The following SNX1 variants were observed in gnomAD, a reference collection of about 807,000 sequenced individuals.
SNX1 encodes sorting nexin-1.
Under a neutral mutation model 71.8 loss-of-function variants are expected in SNX1, and 36 were observed. The ratio of observed to expected loss-of-function variants is 0.50; its 90% CI spans 0.38 to 0.66. SNX1 has a LOEUF of 0.66. Ranked by LOEUF, SNX1 falls within the 30% of genes least tolerant of loss-of-function variation. The pLI, the probability that SNX1 is intolerant of heterozygous loss-of-function variation, is 0.00. For synonymous variants in SNX1, 254 were observed against 240.7 expected (o/e 1.06, Z -0.51); for missense variants, 612 against 646.7 (o/e 0.95, Z 0.58).
At chr15:64,125,624 A>G (rs2081242932) in intron 5 of SNX1, among the ~76,000 whole-genome samples, 1 of 152,164 alleles carries the variant, frequency 6.6e-6, no homozygotes, top group African/African-American at 2.4e-5. Context: ...CAGCCTGGGC[A>G]ACAAAGTGAG....
Position 64,112,554 on chromosome 15 carries a change from A to C in SNX1, c.160-19A>C. Reference sequence around the variant, plus strand: ...TTTTTCATGGTAATGTTTTATTCAGAGTATCTCTTTGTTTTCAGAGTAAAC... The same window carrying C: ...TTTTTCATGGTAATGTTTTATTCAGCGTATCTCTTTGTTTTCAGAGTAAAC... On this transcript the variant is annotated intron_variant, in intron 1 of 14. Transcript: ENST00000559844. 2 of 1,533,240 alleles carry C rather than the reference A, an allele frequency of 1.3e-6. No individual in the cohort carries two copies. The highest frequency in any genetic ancestry group is 1.8e-6 in the Non-Finnish European group (2 of 1,114,712). 95.0% of individuals were successfully genotyped at this position (1,533,240 alleles called of 1,614,324 possible).
intron 5 of SNX1, among the ~76,000 whole-genome samples, chr15:64,124,475 C>CCAG (rs1313275314): frequency 6.7e-6 from 1 of 148,192 alleles, no homozygotes; most frequent in East Asian, 2.0e-4. Context: ...CCACTGCACT[C>CCAG]CAGCCTGGGC....
intron 5 of SNX1, among the ~76,000 whole-genome samples, chr15:64,125,192 G>A (rs568776784): frequency 6.6e-6 from 1 of 152,342 alleles, no homozygotes; most frequent in South Asian, 2.1e-4. Context: ...GCTTGGCGCA[G>A]TGGCTCACGC....
At chr15:64,111,901 C>G (rs749295355) in intron 1 of SNX1, among the ~76,000 whole-genome samples, 1 of 152,118 alleles carries the variant, frequency 6.6e-6, no homozygotes, top group African/African-American at 2.4e-5. Flanking sequence ...CCTTGTTTGC[C>G]GCTGATCACT....
intron 1 of SNX1, among the ~76,000 whole-genome samples, chr15:64,106,800 C>G (rs2140134821): frequency 6.6e-6 from 1 of 152,344 alleles, no homozygotes; most frequent in Non-Finnish European, 1.5e-5. Context: ...GGCAAGGAAA[C>G]AGATTCTTTC....
intron 6 of SNX1, 149 bp from the exon 7 acceptor site, chr15:64,127,025 C>G: frequency 1.6e-6 from 1 of 612,056 alleles, no homozygotes; most frequent in Non-Finnish European, 2.9e-6. Context: ...TGTAAAGAAC[C>G]TTTTGTTCAT....
rs373098631 is a variant in SNX1, at chr15:64,136,902, C to T, written c.1488C>T (p.Tyr496=). 1,968 of 1,613,936 alleles carry T rather than the reference C, an allele frequency of 1.2e-3. 34 individuals are homozygous for T. The South Asian group carries it at 0.02, about 17-fold the overall frequency. Residue 496 remains tyrosine (Y), a synonymous_variant, in exon 14 of 15, where the codon TAC becomes TAT. Coordinates refer to ENST00000559844, the MANE Select transcript of SNX1 (RefSeq NM_003099.5). ...SKDFKNHVIK[Y]LETLLYSQQQ... is the part of the protein sequence containing the mutation. ...ACTTCAAGAACCACGTGATCAAGTACCTTGAGACACTCCTTTACTCACAGC... is the reference window on the plus strand; with the variant it reads ...ACTTCAAGAACCACGTGATCAAGTATCTTGAGACACTCCTTTACTCACAGC...
intron 2 of SNX1, among the ~76,000 whole-genome samples, chr15:64,116,688 G>A (rs2081132546): frequency 6.6e-6 from 1 of 152,082 alleles, no homozygotes. Flanking sequence ...AACCCAAATT[G>A]ACATTTATGT....
At chr15:64,133,447 G>C (rs1051045184) in intron 11 of SNX1, among the ~76,000 whole-genome samples, 1 of 152,230 alleles carries the variant, frequency 6.6e-6, no homozygotes, top group Non-Finnish European at 1.5e-5. Flanking sequence ...ATGCAGGGAA[G>C]GTTGGGGCGT....
intron 1 of SNX1, among the ~76,000 whole-genome samples, chr15:64,097,033 C>G (rs961796795): frequency 3.9e-5 from 6 of 152,242 alleles, no homozygotes; most frequent in African/African-American, 1.4e-4. Context: ...TGGGCCGGAG[C>G]AAGGGGCTCA....
chr15:64,111,033 G>A (rs1475373623), intron 1 of SNX1, among the ~76,000 whole-genome samples: 1 of 152,158 alleles, frequency 6.6e-6, no homozygotes, highest in Non-Finnish European at 1.5e-5. Flanking sequence ...TATCCTTAAT[G>A]TATACTGGAT....
At chr15:64,116,954 T>C (rs2081135880) in intron 2 of SNX1, among the ~76,000 whole-genome samples, 1 of 152,156 alleles carries the variant, frequency 6.6e-6, no homozygotes, top group South Asian at 2.1e-4. Context: ...GTAGGAAGAT[T>C]TTCAGATATT....
At chr15:64,122,852 A>T (rs1460009238) in intron 4 of SNX1, among the ~76,000 whole-genome samples, 1 of 152,124 alleles carries the variant, frequency 6.6e-6, no homozygotes, top group African/African-American at 2.4e-5. Flanking sequence ...TGAATCCCAA[A>T]TTATTTAACA....
At position 64,134,972 on chromosome 15, in the gene SNX1, T is replaced by C; in HGVS notation, c.1365+165T>C. The stretch of plus-strand genomic sequence containing the variant: ...CTCTGAGAATGACTCCAGGCCTTCC[T>C]GAGGCCTAGTCCCCCTGTTCTTTTT... On this transcript the variant is annotated intron_variant, in intron 12 of 14. Transcript: ENST00000559844. The surrounding 1 kb of genome is among the most constrained non-coding windows in gnomAD (Gnocchi z 4.1). The C allele has an allele frequency of 1.3e-6, 1 of 782,352 alleles. No individual in the cohort carries two copies. Among genetic ancestry groups the C allele is most frequent in the Non-Finnish European group, 2.0e-6 (1 of 503,468 alleles). The allele number at this position is 782,352 out of a possible 1,614,324, so 48.5% of individuals were successfully genotyped here. A position where few individuals can be genotyped will look rare whatever the true frequency, so the allele number is the denominator to read the frequency against.
chr15:64,100,586 CAG>C (rs2080948891), intron 1 of SNX1, among the ~76,000 whole-genome samples: 1 of 101,680 alleles, frequency 9.8e-6, no homozygotes, highest in Admixed American at 1.3e-4. Flanking sequence ...GCCTGGGTAA[CAG>C]AGCAAAACTC....
chr15:64,110,142 A>C (rs1567320045), intron 1 of SNX1, among the ~76,000 whole-genome samples: 1 of 152,196 alleles, frequency 6.6e-6, no homozygotes, highest in Non-Finnish European at 1.5e-5. Context: ...ATGACATGAG[A>C]AAATGCTCAG....
intron 11 of SNX1, among the ~76,000 whole-genome samples, chr15:64,132,699 A>G (rs1477983000): frequency 6.6e-6 from 1 of 152,214 alleles, no homozygotes; most frequent in Non-Finnish European, 1.5e-5. Flanking sequence ...GAGTTAGAAC[A>G]GTGCCCCCCG....
At chr15:64,106,810 C>G (rs1319511515) in intron 1 of SNX1, among the ~76,000 whole-genome samples, 1 of 152,204 alleles carries the variant, frequency 6.6e-6, no homozygotes, top group Non-Finnish European at 1.5e-5. Context: ...CAGATTCTTT[C>G]CTAGAACCTC....
At chr15:64,126,035 C>G in intron 5 of SNX1, 44 bp from the exon 6 acceptor site, 1 of 1,607,390 alleles carries the variant, frequency 6.2e-7, no homozygotes, top group Non-Finnish European at 8.5e-7. Context: ...GATACCATCC[C>G]CTATTTGGAA....
Sources: allele counts gnomAD v4.1 joint callset (sites outside exome capture counted in the v4.1 genomes callset), GRCh38; gene constraint gnomAD v4.1.1; non-coding constraint Gnocchi (gnomAD v3.1); transcripts MANE v1.5; gene names NCBI Gene and HGNC (gene_info 2026-07-23, HGNC 2026-07-21).